The following TGFBR2 variants were observed in gnomAD, a reference collection of about 807,000 sequenced individuals.
TGFBR2 encodes the protein transforming growth factor beta receptor 2.
TGFBR2 carries 18 observed loss-of-function variants against 49.0 expected under a neutral mutation model. The observed-to-expected ratio is 0.37, with a 90% confidence interval of 0.25 to 0.54. The LOEUF is 0.54. Ranked by LOEUF, TGFBR2 falls within the 20% of genes least tolerant of loss-of-function variation. The pLI is 0.85. For missense variants in TGFBR2, 525 were observed against 722.6 expected, an observed-to-expected ratio of 0.73 and a Z score of 3.13; for synonymous variants, 282 against 275.9, an observed-to-expected ratio of 1.02 and a Z score of -0.22.
At chr3:30,670,712 C>G (rs987070530) in intron 3 of TGFBR2, among the ~76,000 whole-genome samples, 4 of 152,266 alleles carry the variant, frequency 2.6e-5, no homozygotes, top group African/African-American at 9.6e-5. Flanking sequence ...GTGCTAAGGA[C>G]TCTCCTTGTC....
At chr3:30,668,476 G>A (rs1025757412) in intron 3 of TGFBR2, among the ~76,000 whole-genome samples, 2 of 152,172 alleles carry the variant, frequency 1.3e-5, no homozygotes, top group Admixed American at 6.5e-5. Flanking sequence ...TGGAAATGCC[G>A]ACTGCTGGAT....
At chr3:30,641,775 T>G (rs969622033) in intron 1 of TGFBR2, among the ~76,000 whole-genome samples, 1 of 151,040 alleles carries the variant, frequency 6.6e-6, no homozygotes, top group Non-Finnish European at 1.5e-5. Flanking sequence ...TCTTGTTGGG[T>G]CTACCCATCA....
At chr3:30,687,569 T>C (rs991548391) in intron 5 of TGFBR2, among the ~76,000 whole-genome samples, 1 of 152,202 alleles carries the variant, frequency 6.6e-6, no homozygotes, top group African/African-American at 2.4e-5. Context: ...GATGTTTTTC[T>C]GTAGCAAAAT....
chr3:30,676,131 G>C lies in TGFBR2; in HGVS notation c.1396+1885G>C, dbSNP rs367763808. ...TTTTGGGCAAAATTACCACAGAAAT[G>C]ATAGTGTGCCTATCTTCAGTGCGTC... On this transcript the variant is annotated intron_variant, in intron 5 of 6. Coordinates refer to ENST00000295754, the MANE Select transcript of TGFBR2 (RefSeq NM_003242.6). This position sits in a 1 kb window ranked among gnomAD's most constrained non-coding sequence, Gnocchi z 4.3. 6.1e-4 allele frequency among the ~76,000 whole-genome samples: 93 copies of C among 152,352 alleles called. No individual in the cohort carries two copies. The highest frequency in any genetic ancestry group is 2.2e-3 in the African/African-American group (91 of 41,590).
intron 1 of TGFBR2, among the ~76,000 whole-genome samples, chr3:30,621,472 G>C (rs1698231285): frequency 6.6e-6 from 1 of 151,786 alleles, no homozygotes; most frequent in South Asian, 2.1e-4. Context: ...GTAGAGACAG[G>C]GTTTTGCCAT....
Position 30,606,649 on chromosome 3 carries a change from A to G in TGFBR2, c.-235A>G. 2.7e-6 allele frequency: 1 copy of G among 369,000 alleles called. No individual in the cohort carries two copies. The highest frequency in any genetic ancestry group is 4.6e-5 in the Admixed American group (1 of 21,706). The allele number at this position is 369,000 out of a possible 1,614,324, so 22.9% of individuals were successfully genotyped here. On this transcript the variant is annotated 5_prime_UTR_variant, in exon 1 of 7. Coordinates refer to ENST00000295754, the MANE Select transcript of TGFBR2 (RefSeq NM_003242.6). The stretch of plus-strand genomic sequence containing the variant: ...ACCCCCGCGCGTGCACCCGCTCGGG[A>G]CAGGAGCCGGACTCCTGTGCAGCTT...
At chr3:30,648,419 TACACACACACACACACAC>T (rs35473576) in intron 2 of TGFBR2, among the ~76,000 whole-genome samples, 13 of 115,516 alleles carry the variant, frequency 1.1e-4, no homozygotes, top group East Asian at 2.6e-4. Flanking sequence ...AAAAACAACC[TACACACACACACACACAC>T]ACACACACAC....
chr3:30,612,122 A>C (rs917751020), intron 1 of TGFBR2, among the ~76,000 whole-genome samples: 1 of 152,238 alleles, frequency 6.6e-6, no homozygotes. Context: ...AATGCTGGAC[A>C]GGCAAATTGT....
intron 1 of TGFBR2, among the ~76,000 whole-genome samples, chr3:30,608,006 T>A (rs1697962226): frequency 6.6e-6 from 1 of 151,100 alleles, no homozygotes; most frequent in African/African-American, 2.4e-5. Context: ...AGTGGCGCAA[T>A]CTCGGCTCAC....
chr3:30,679,227 G>T (rs1174544195), intron 5 of TGFBR2, among the ~76,000 whole-genome samples: 1 of 152,188 alleles, frequency 6.6e-6, no homozygotes, highest in Non-Finnish European at 1.5e-5. Flanking sequence ...AGGACTGAAT[G>T]CCCAGGTTGG....
intron 1 of TGFBR2, among the ~76,000 whole-genome samples, chr3:30,614,973 A>G (rs1053605160): frequency 6.6e-6 from 1 of 152,206 alleles, no homozygotes; most frequent in Non-Finnish European, 1.5e-5. Flanking sequence ...TTCATATATT[A>G]TCCCATTGCA....
intron 1 of TGFBR2, among the ~76,000 whole-genome samples, chr3:30,617,514 A>T (rs1290784317): frequency 1.3e-5 from 2 of 152,050 alleles, no homozygotes; most frequent in Admixed American, 1.3e-4. Context: ...CAATCTCAAT[A>T]CCCCTGGGCA....
rs17026305 is a variant in TGFBR2 at position 30,688,941 on chromosome 3, A to G, written c.1524+430A>G. ...CAAGCAGGGTTTGTCAGGCAGCTGT[A>G]GTGAGAAGTGACTGTGGCATGCAGA... On this transcript the variant is annotated intron_variant, in intron 6 of 6. Coordinates refer to ENST00000295754, the MANE Select transcript of TGFBR2 (RefSeq NM_003242.6). Among the ~76,000 whole-genome samples, 256 of 152,316 alleles carry G rather than the reference A, an allele frequency of 1.7e-3. 2 individuals are homozygous for G. The highest frequency in any genetic ancestry group is 2.9e-3 in the Non-Finnish European group (194 of 68,026).
chr3:30,621,240 T>C (rs1698224410), intron 1 of TGFBR2, among the ~76,000 whole-genome samples: 2 of 151,782 alleles, frequency 1.3e-5, no homozygotes, highest in African/African-American at 2.4e-5. Context: ...CTGCTCTATC[T>C]ATAGAGGAAA....
At chr3:30,647,433 G>A (rs1698763269) in intron 2 of TGFBR2, among the ~76,000 whole-genome samples, 1 of 152,056 alleles carries the variant, frequency 6.6e-6, no homozygotes, top group East Asian at 1.9e-4. Context: ...ACAGCCTCAA[G>A]GTCTGTTTCC....
chr3:30,679,257 A>T (rs572639131), intron 5 of TGFBR2, among the ~76,000 whole-genome samples: 8 of 152,264 alleles, frequency 5.3e-5, no homozygotes, highest in African/African-American at 1.9e-4. Flanking sequence ...GTGCAGTGTT[A>T]TGGTCAGGGA....
At chr3:30,645,895 G>T (rs1456659017) in intron 2 of TGFBR2, among the ~76,000 whole-genome samples, 1 of 151,180 alleles carries the variant, frequency 6.6e-6, no homozygotes, top group Non-Finnish European at 1.5e-5. Flanking sequence ...ATACACAGTG[G>T]ATACTCATGA....
At chr3:30,636,155 A>ATGTGTG (rs61296907) in intron 1 of TGFBR2, among the ~76,000 whole-genome samples, 13,755 of 134,504 alleles carry the variant, frequency 0.1, 718 homozygotes, top group Admixed American at 0.14. Flanking sequence ...ATATATATGT[A>ATGTGTG]TGTGTGTGTG....
intron 5 of TGFBR2, among the ~76,000 whole-genome samples, chr3:30,678,855 C>A (rs1351804480): frequency 1.3e-5 from 2 of 152,092 alleles, no homozygotes; most frequent in African/African-American, 4.8e-5. Flanking sequence ...GTTTTACTTT[C>A]TTGGATGTTA....
Sources: gnomAD v4.1 joint callset for allele counts (sites outside exome capture counted in the v4.1 genomes callset) on GRCh38, gnomAD v4.1.1 for gene constraint, Gnocchi (gnomAD v3.1) non-coding constraint, MANE v1.5 for transcripts, NCBI Gene and HGNC (gene_info 2026-07-23, HGNC 2026-07-21) for gene names.